Variants in NCOA6 observed in about 807,000 individuals in gnomAD.
The protein encoded by NCOA6 is NRC RAP250.
A neutral mutation model predicts 171.4 loss-of-function variants in NCOA6; 49 were observed. The observed-to-expected ratio is 0.29, with a 90% CI of 0.23 to 0.36. NCOA6 has a LOEUF of 0.36. Ranked by LOEUF, NCOA6 falls within the 10% of genes least tolerant of loss-of-function variation. The pLI, the probability that NCOA6 is intolerant of heterozygous loss-of-function variation, is 1.00. For missense variants in NCOA6, 2,248 were observed against 2,554.5 expected, an observed-to-expected ratio of 0.88 and a Z score of 2.59; for synonymous variants, 910 against 927.5, an observed-to-expected ratio of 0.98 and a Z score of 0.34.
At chr20:34,715,997 G>A (rs1988522827) in intron 14 of NCOA6, among the ~76,000 whole-genome samples, 2 of 152,012 alleles carry the variant, frequency 1.3e-5, no homozygotes, top group Non-Finnish European at 2.9e-5. Flanking sequence ...TGGGCGGATT[G>A]CCTGAGGTGA....
intron 1 of NCOA6, among the ~76,000 whole-genome samples, chr20:34,816,028 C>A (rs1245188048): frequency 6.6e-6 from 1 of 152,132 alleles, no homozygotes; most frequent in Non-Finnish European, 1.5e-5. Flanking sequence ...TCCAGGGCCC[C>A]AAGAAAGTAC....
chr20:34,806,446 T>C (rs1227515008), intron 1 of NCOA6, among the ~76,000 whole-genome samples: 1 of 152,254 alleles, frequency 6.6e-6, no homozygotes, highest in Non-Finnish European at 1.5e-5. Context: ...TTGTTGCCTG[T>C]GCTTTTAAGG....
intron 3 of NCOA6, among the ~76,000 whole-genome samples, chr20:34,779,945 C>CA (rs2146170321): frequency 6.6e-6 from 1 of 152,254 alleles, no homozygotes; most frequent in African/African-American, 2.4e-5. Flanking sequence ...GAGAGGAAAC[C>CA]AAGGCCCAGA....
At chr20:34,727,530 G>A (rs1320081479) in intron 13 of NCOA6, 123 bp from the exon 14 acceptor site, 13 of 1,080,128 alleles carry the variant, frequency 1.2e-5, no homozygotes, top group Non-Finnish European at 1.2e-5. Flanking sequence ...ATTCTGGAGA[G>A]AAAGCAGTTC....
At chr20:34,812,821 C>T (rs182990519) in intron 1 of NCOA6, among the ~76,000 whole-genome samples, 103 of 151,798 alleles carry the variant, frequency 6.8e-4, no homozygotes, top group Middle Eastern at 3.4e-3. Flanking sequence ...TTTGAGACCA[C>T]CCTGGGCAAC....
chr20:34,794,993 T>C (rs1396844088), intron 1 of NCOA6, among the ~76,000 whole-genome samples: 4 of 152,162 alleles, frequency 2.6e-5, no homozygotes, highest in African/African-American at 9.7e-5. Context: ...TTCTGAAGAT[T>C]GATAATTAAA....
chr20:34,767,589 C>T (rs572839776), intron 5 of NCOA6, among the ~76,000 whole-genome samples: 1 of 152,308 alleles, frequency 6.6e-6, no homozygotes, highest in East Asian at 1.9e-4. Context: ...ACCAATCGTG[C>T]CCGGCCAAGA....
chr20:34,810,605 G>GAGTGCA (rs1206193332), intron 1 of NCOA6, among the ~76,000 whole-genome samples: 1 of 151,868 alleles, frequency 6.6e-6, no homozygotes, highest in Non-Finnish European at 1.5e-5. Context: ...ACCCAGGCTG[G>GAGTGCA]AGTGCAGTGG....
chr20:34,821,879 G>T (rs972609955), intron 1 of NCOA6, among the ~76,000 whole-genome samples: 1 of 152,114 alleles, frequency 6.6e-6, no homozygotes, highest in African/African-American at 2.4e-5. Context: ...GAGCCAACAC[G>T]CCCAGACTTC....
chr20:34,806,940 G>C (rs2078471126), intron 1 of NCOA6, among the ~76,000 whole-genome samples: 1 of 152,184 alleles, frequency 6.6e-6, no homozygotes, highest in South Asian at 2.1e-4. Flanking sequence ...AAAGAAGTCT[G>C]TGGTAGACAG....
intron 14 of NCOA6, among the ~76,000 whole-genome samples, chr20:34,722,054 C>CAAAAA (rs71196757): frequency 4.7e-5 from 3 of 63,386 alleles, no homozygotes; most frequent in African/African-American, 6.4e-5. Context: ...GACCCTGTCT[C>CAAAAA]AAAAAAAAAA....
At chr20:34,788,090 C>A (rs1049019733) in intron 2 of NCOA6, among the ~76,000 whole-genome samples, 1 of 152,140 alleles carries the variant, frequency 6.6e-6, no homozygotes, top group Non-Finnish European at 1.5e-5. Context: ...TGGTCTCGAA[C>A]TCCTGAGCTC....
At chr20:34,746,066 A>T (rs1162308377) in intron 10 of NCOA6, among the ~76,000 whole-genome samples, 1 of 152,126 alleles carries the variant, frequency 6.6e-6, no homozygotes, top group African/African-American at 2.4e-5. Flanking sequence ...AAACTTCTAT[A>T]AAAAAGATCA....
chr20:34,724,068 A>G (rs1989678405), intron 14 of NCOA6, among the ~76,000 whole-genome samples: 1 of 152,222 alleles, frequency 6.6e-6, no homozygotes, highest in Non-Finnish European at 1.5e-5. Context: ...TTATGCTTTA[A>G]GTGTAGTACT....
In NCOA6 at chr20:34,742,007, C is replaced by G. The variant is rs569841667; in HGVS notation, c.4249G>C (p.Glu1417Gln). ...CTGTCCTGAGGCACATTCAAGCTCT[C>G]CTTGTTATCCTCAACAACACCCCCA... ...AVGGVVEDNK[E>Q]SLNVPQDSDC... Residue 1417 changes from glutamate to glutamine, a missense_variant, in exon 11 of 15, where the codon GAG becomes CAG. Transcript: ENST00000359003. The G allele has an allele frequency of 6.2e-7, 1 of 1,614,188 alleles. No individual in the cohort carries two copies. Among genetic ancestry groups the G allele is most frequent in the South Asian group, 1.1e-5 (1 of 91,084 alleles).
chr20:34,782,984 A>C (rs1212387553), intron 2 of NCOA6, among the ~76,000 whole-genome samples: 1 of 152,210 alleles, frequency 6.6e-6, no homozygotes, highest in East Asian at 1.9e-4. Context: ...AACACTTAAA[A>C]ATTCTTATAT....
At chr20:34,796,003 A>ATTTTTTT (rs569229378) in intron 1 of NCOA6, among the ~76,000 whole-genome samples, 6 of 95,774 alleles carry the variant, frequency 6.3e-5, no homozygotes, top group East Asian at 2.8e-4. Flanking sequence ...ATATGTTTGA[A>ATTTTTTT]TTTTTTTTTT....
intron 2 of NCOA6, among the ~76,000 whole-genome samples, chr20:34,785,909 A>G (rs2146254027): frequency 6.6e-6 from 1 of 151,732 alleles, no homozygotes; most frequent in East Asian, 1.9e-4. Context: ...AGAAATTGAA[A>G]GTCAGTCTAT....
At chr20:34,753,515 G>C (rs2041992519) in intron 8 of NCOA6, among the ~76,000 whole-genome samples, 1 of 151,814 alleles carries the variant, frequency 6.6e-6, no homozygotes, top group African/African-American at 2.4e-5. Context: ...ACAAAAATTA[G>C]CCAGGCATGG....
Sources: allele counts gnomAD v4.1 joint callset (sites outside exome capture counted in the v4.1 genomes callset), GRCh38; gene constraint gnomAD v4.1.1; transcripts MANE v1.5; gene names NCBI Gene and HGNC (gene_info 2026-07-23, HGNC 2026-07-21).